Variants in C7orf25 observed in about 807,000 individuals in gnomAD.
C7orf25 encodes the protein UPF0415 protein C7orf25.
A neutral mutation model predicts 25.5 loss-of-function variants in C7orf25; 14 were observed. That is an observed-to-expected ratio of 0.55 (90% CI 0.36 to 0.86). The LOEUF is 0.86. C7orf25 is among the 40% of genes least tolerant of loss of function. The pLI is 0.01. For synonymous variants in C7orf25, 184 were observed against 179.9 expected, an observed-to-expected ratio of 1.02 and a Z score of -0.18; for missense variants, 405 against 493.9, an observed-to-expected ratio of 0.82 and a Z score of 1.71.
Position 42,912,024 on chromosome 7 carries a change from G to A in C7orf25, c.-131C>T, listed in dbSNP as rs571473765. 1.4e-4 allele frequency: 209 copies of A among 1,479,040 alleles called. No homozygotes were observed. In the African/African-American group the frequency reaches 2.4e-3, roughly 17 times the overall value. 91.6% of individuals were successfully genotyped at this position (1,479,040 alleles called of 1,614,324 possible). A position where few individuals can be genotyped will look rare whatever the true frequency, so the allele number is the denominator to read the frequency against. ...CCCCACCCCGCTCGAACGCCGAGGCGGCTCCACCCGCGCGAGCCCCGCCGC... is the reference window on the plus strand; with the variant it reads ...CCCCACCCCGCTCGAACGCCGAGGCAGCTCCACCCGCGCGAGCCCCGCCGC... On this transcript the variant is annotated 5_prime_UTR_variant, in exon 1 of 2. Transcript: ENST00000350427.
At chr7:42,911,680 G>A (rs1785904148) in intron 1 of C7orf25, 5 of 1,143,414 alleles carry the variant, frequency 4.4e-6, no homozygotes, top group Non-Finnish European at 5.4e-6. Flanking sequence ...AGGCCGGCGG[G>A]GCCTTCTCGG....
In C7orf25 at chr7:42,911,952, C is replaced by A. The variant is rs1392125600; in HGVS notation, c.-59G>T. ...AACCGCGAGCGCGAGCACGCAGGCG[C>A]GTGCACGCAGAGGCCGGGACCCGCC... is the stretch of plus-strand genomic sequence containing the variant. On this transcript the variant is annotated 5_prime_UTR_variant, in exon 1 of 2. Transcript: ENST00000350427. The A allele has an allele frequency of 2.0e-6, 3 of 1,489,412 alleles. No individual in the cohort carries two copies. The East Asian group carries it at 8.6e-5, about 43-fold the overall frequency. 92.3% of individuals were successfully genotyped at this position (1,489,412 alleles called of 1,614,324 possible). A position where few individuals can be genotyped will look rare whatever the true frequency, so the allele number is the denominator to read the frequency against.
rs1490686804 is a variant in C7orf25 at position 42,909,437 on chromosome 7, T to A, written c.*198A>T. The A allele has an allele frequency of 3.4e-6, 2 of 583,200 alleles. No individual in the cohort carries two copies. Among genetic ancestry groups the A allele is most frequent in the Non-Finnish European group, 5.8e-6 (2 of 343,216 alleles). 36.1% of individuals were successfully genotyped at this position (583,200 alleles called of 1,614,324 possible). A position where few individuals can be genotyped will look rare whatever the true frequency, so the allele number is the denominator to read the frequency against. On this transcript the variant is annotated 3_prime_UTR_variant, in exon 2 of 2. Coordinates refer to ENST00000350427, the MANE Select transcript of C7orf25 (RefSeq NM_001099858.2). ...TCTTAATTGCACTAATGCAGACAGT[T>A]TGATAGATAAGCTTCTCTCTTGTGC...
At position 42,910,901 on chromosome 7, in the gene C7orf25, G is replaced by A; in HGVS notation, c.-1C>T. On this transcript the variant is annotated 5_prime_UTR_variant, in exon 2 of 2. Coordinates refer to ENST00000350427, the MANE Select transcript of C7orf25 (RefSeq NM_001099858.2). ...CACAGAGCATGGAATGTGCAGACAT[G>A]CTGTCAGCATTATTCCTTTCCTAGG... is the stretch of plus-strand genomic sequence containing the variant. 6.2e-7 allele frequency: 1 copy of A among 1,612,838 alleles called. No homozygotes were observed. Among genetic ancestry groups the A allele is most frequent in the Non-Finnish European group, 8.5e-7 (1 of 1,179,694 alleles).
At chr7:42,911,707 CGGCCCTGCCCGGCCACCTGCACAGCCG>C in intron 1 of C7orf25, 181 bp downstream of exon 1, 1 of 1,175,274 alleles carries the variant, frequency 8.5e-7, no homozygotes, top group Non-Finnish European at 1.1e-6. Flanking sequence ...GCGGGGCCCT[CGGCCCTGCCCGGCCACCTGCACAGCCG>C]GGCCCTGCCA....
In C7orf25 at chr7:42,910,186, C is replaced by G. The variant is rs1163321004; in HGVS notation, c.715G>C (p.Glu239Gln). The G allele has an allele frequency of 1.2e-6, 2 of 1,614,174 alleles. No individual in the cohort carries two copies. Among genetic ancestry groups the G allele is most frequent in the South Asian group, 2.2e-5 (2 of 91,078 alleles). ...CTTTTGCACACATCGACCTTAATTT[C>G]TGTTGGAAACGCAACACTTGCTAGT... is the stretch of plus-strand genomic sequence containing the variant. Reference protein sequence around the residue: ...NILASVAFPTEIKVDVCKRVN... With the variant: ...NILASVAFPTQIKVDVCKRVN... Residue 239 changes from glutamate to glutamine, a missense_variant, in exon 2 of 2, where the codon GAA (glutamate) becomes CAA (glutamine). Physicochemically the swap from Glu to Gln is conservative, Grantham distance 29. Coordinates refer to ENST00000350427, the MANE Select transcript of C7orf25 (RefSeq NM_001099858.2).
rs1785844294 is a variant in C7orf25, at chr7:42,909,961, T to C, written c.940A>G (p.Ile314Val). The change falls in exon 2 of 2, where the codon ATT becomes GTT. Residue 314 changes from isoleucine to valine, a missense_variant. Coordinates refer to ENST00000350427, the MANE Select transcript of C7orf25 (RefSeq NM_001099858.2). ...CESAVKDFQS[I>V]LDTLGGPGER... Reference sequence around the variant, plus strand: ...CCAGGTCCTCCTAAGGTATCTAAAATAGACTGAAAGTCCTTGACAGCAGAT... The same window carrying C: ...CCAGGTCCTCCTAAGGTATCTAAAACAGACTGAAAGTCCTTGACAGCAGAT... 8.7e-6 allele frequency: 14 copies of C among 1,614,078 alleles called. No individual in the cohort carries two copies. Among genetic ancestry groups the C allele is most frequent in the African/African-American group, 2.7e-5 (2 of 74,932 alleles).
chr7:42,912,063 T>A lies in C7orf25; in HGVS notation c.-170A>T. The A allele has an allele frequency of 7.0e-7, 1 of 1,424,576 alleles. No individual in the cohort carries two copies. The highest frequency in any genetic ancestry group is 9.1e-7 in the Non-Finnish European group (1 of 1,097,160). The allele number at this position is 1,424,576 out of a possible 1,614,324, so 88.2% of individuals were successfully genotyped here. A position where few individuals can be genotyped will look rare whatever the true frequency, so the allele number is the denominator to read the frequency against. The stretch of plus-strand genomic sequence containing the variant: ...GAGCCCCGCCGCCTCGGGCACCTCC[T>A]GCATCACGTGGTTCCGGGCCGGGTG... On this transcript the variant is annotated 5_prime_UTR_variant, in exon 1 of 2. Transcript: ENST00000350427.
In C7orf25 at chr7:42,911,953, G is replaced by C; in HGVS notation, c.-60C>G. ...ACCGCGAGCGCGAGCACGCAGGCGC[G>C]TGCACGCAGAGGCCGGGACCCGCCG... On this transcript the variant is annotated 5_prime_UTR_variant, in exon 1 of 2. Transcript: ENST00000350427. 6.7e-7 allele frequency: 1 copy of C among 1,489,500 alleles called. No individual in the cohort carries two copies. Among genetic ancestry groups the C allele is most frequent in the Admixed American group, 2.2e-5 (1 of 44,580 alleles). 92.3% of individuals were successfully genotyped at this position (1,489,500 alleles called of 1,614,324 possible).
intron 1 of C7orf25, chr7:42,911,336 G>A: frequency 8.7e-7 from 1 of 1,152,462 alleles, no homozygotes; most frequent in Non-Finnish European, 1.1e-6. Flanking sequence ...AGACTGGCTA[G>A]TTAGCAAACT....
At position 42,910,908 on chromosome 7, in the gene C7orf25, G is replaced by A. The variant is rs1785876858; in HGVS notation, c.-8C>T. The A allele has an allele frequency of 6.2e-7, 1 of 1,612,366 alleles. No individual in the cohort carries two copies. The highest frequency in any genetic ancestry group is 8.5e-7 in the Non-Finnish European group (1 of 1,179,624). On this transcript the variant is annotated 5_prime_UTR_variant, in exon 2 of 2. Transcript: ENST00000350427. ...CATGGAATGTGCAGACATGCTGTCA[G>A]CATTATTCCTTTCCTAGGGAAAGAA...
At position 42,910,103 on chromosome 7, in the gene C7orf25, G is replaced by A. The variant is rs143147289; in HGVS notation, c.798C>T (p.Gly266=). ...CTTTCTCTTTGAAAATAAAGTGGCA[G>A]CCTCCATAGCTGAGGGCAGATACAT... ...ITYVSALSYG[G]CHFIFKEKVL... Residue 266 remains glycine, a synonymous_variant, in exon 2 of 2, where the codon GGC becomes GGT. Transcript: ENST00000350427. 3 of 1,614,156 alleles carry A rather than the reference G, an allele frequency of 1.9e-6. No individual in the cohort carries two copies. Among genetic ancestry groups the A allele is most frequent in the Non-Finnish European group, 2.5e-6 (3 of 1,180,026 alleles).
At position 42,910,984 on chromosome 7, in the gene C7orf25, T is replaced by C. The variant is rs957681768; in HGVS notation, c.-21-63A>G. ...AAAATTATGACAATCAATTCTTCAC[T>C]GGTGATTAAAAACTTCAATCTAGCA... On this transcript the variant is annotated intron_variant, in intron 1 of 1. Coordinates refer to ENST00000350427, the MANE Select transcript of C7orf25 (RefSeq NM_001099858.2). The C allele has an allele frequency of 5.0e-6, 8 of 1,600,328 alleles. No individual in the cohort carries two copies. The African/African-American group carries it at 9.3e-5, about 19-fold the overall frequency.
Position 42,910,323 on chromosome 7 carries a change from A to G in C7orf25, c.578T>C (p.Val193Ala), listed in dbSNP as rs1172624374. 1.2e-6 allele frequency: 2 copies of G among 1,614,068 alleles called. No individual in the cohort carries two copies. Among genetic ancestry groups the G allele is most frequent in the Non-Finnish European group, 1.7e-6 (2 of 1,180,040 alleles). ...GTGATCTAACAGAGCGTTGACTGCT[A>G]CTATGTCTCCTCTCACAGATATGCC... ...EMGISVRGDI[V>A]AVNALLDHPE... is the part of the protein sequence containing the mutation. The change falls in exon 2 of 2, where the codon GTA becomes GCA. Residue 193 changes from valine to alanine, a missense_variant. Val to Ala is a moderately conservative substitution (Grantham distance 64). Coordinates refer to ENST00000350427, the MANE Select transcript of C7orf25 (RefSeq NM_001099858.2).
At chr7:42,911,770 C>A (rs1785909149) in intron 1 of C7orf25, 145 bp downstream of exon 1, 3 of 1,240,740 alleles carry the variant, frequency 2.4e-6, no homozygotes, top group Admixed American at 8.7e-5. Context: ...GAAAAGCCCC[C>A]ACCGCCAGCG....
rs561007076 is a variant in C7orf25 at position 42,910,709 on chromosome 7, T to C, written c.192A>G (p.Leu64=). 4 of 1,614,178 alleles carry C rather than the reference T, an allele frequency of 2.5e-6. No homozygotes were observed. The highest frequency in any genetic ancestry group is 3.4e-6 in the Non-Finnish European group (4 of 1,180,042). ...TCAGGTGTGTTAGGTTAGTGCTCTG[T>C]AAATGAGACTCTTTAATAGCTACTT... ...AGKVAIKESH[L]QSTNLTHLRA... Residue 64 remains leucine, a synonymous_variant, in exon 2 of 2, where the codon TTA becomes TTG. Transcript: ENST00000350427.
At position 42,910,127 on chromosome 7, in the gene C7orf25, A is replaced by G. The variant is rs770464202; in HGVS notation, c.774T>C (p.Tyr258=). 16 of 1,614,192 alleles carry G rather than the reference A, an allele frequency of 9.9e-6. No individual in the cohort carries two copies. The highest frequency in any genetic ancestry group is 1.2e-5 in the Non-Finnish European group (14 of 1,180,044). ...VNLDITTLIT[Y]VSALSYGGCH... is the part of the protein sequence containing the mutation. ...AGCCTCCATAGCTGAGGGCAGATAC[A>G]TATGTGATTAAAGTAGTAATGTCCA... The change falls in exon 2 of 2, where the codon TAT becomes TAC. Residue 258 remains tyrosine (Y), a synonymous_variant. Transcript: ENST00000350427.
At position 42,909,989 on chromosome 7, in the gene C7orf25, A is replaced by T; in HGVS notation, c.912T>A (p.Cys304Ter). ...ACTGAAAGTCCTTGACAGCAGATTC[A>T]CAAGCAAACAACTCCTTGTCCTTCA... ...AFMKDKELFA[C>*]ESAVKDFQSI... The change falls in exon 2 of 2, where the codon TGT (cysteine) becomes TGA (stop). Residue 304 changes from cysteine to a stop codon, truncating the protein, a stop_gained. Transcript: ENST00000350427. LOFTEE classifies it high-confidence loss of function. 1.2e-6 allele frequency: 2 copies of T among 1,614,188 alleles called. No individual in the cohort carries two copies. Among genetic ancestry groups the T allele is most frequent in the Non-Finnish European group, 1.7e-6 (2 of 1,180,046 alleles).
At position 42,911,470 on chromosome 7, in the gene C7orf25, CA is replaced by C. The variant is rs1313080523; in HGVS notation, c.-22+444del. 2.7e-5 allele frequency: 27 copies of C among 1,001,102 alleles called. No homozygotes were observed. The Admixed American group carries it at 2.8e-4, about 10-fold the overall frequency. 62.0% of individuals were successfully genotyped at this position (1,001,102 alleles called of 1,614,324 possible). A position where few individuals can be genotyped will look rare whatever the true frequency, so the allele number is the denominator to read the frequency against. ...CCCCCGAGGCTTGGGGTACTTACGC[CA>C]AAAAAAATCAACACTGCCTCATTTC... On this transcript the variant is annotated intron_variant, in intron 1 of 1. Transcript: ENST00000350427.
Sources: allele counts gnomAD v4.1 joint callset, GRCh38; gene constraint gnomAD v4.1.1; transcripts MANE v1.5; gene names NCBI Gene and HGNC (gene_info 2026-07-23, HGNC 2026-07-21).